The following B3GAT1 variants were observed in gnomAD, a reference collection of about 807,000 sequenced individuals.
The protein encoded by B3GAT1 is beta-1,3-glucuronyltransferase 1, also known as galactosylgalactosylxylosylprotein 3-beta-glucuronosyltransferase 1.
A neutral mutation model predicts 28.4 loss-of-function variants in B3GAT1; 11 were observed. The ratio of observed to expected loss-of-function variants is 0.39; its 90% CI spans 0.24 to 0.64. The LOEUF is 0.64. Ranked by LOEUF, B3GAT1 falls within the 30% of genes least tolerant of loss-of-function variation. The pLI, the probability that B3GAT1 is intolerant of heterozygous loss-of-function variation, is 0.50. For missense variants in B3GAT1, 375 were observed against 491.0 expected (o/e 0.76, Z 2.23); for synonymous variants, 255 against 223.1 (o/e 1.14, Z -1.27).
intron 1 of B3GAT1, among the ~76,000 whole-genome samples, chr11:134,403,254 C>T (rs761216163): frequency 6.6e-6 from 1 of 152,110 alleles, no homozygotes; most frequent in African/African-American, 2.4e-5. Flanking sequence ...TCTAGGAGTA[C>T]CCGGCCGATT....
chr11:134,399,873 G>A (rs1944576852), intron 1 of B3GAT1, among the ~76,000 whole-genome samples: 1 of 152,198 alleles, frequency 6.6e-6, no homozygotes, highest in Non-Finnish European at 1.5e-5. Context: ...AAGCAAGCCA[G>A]GTGAGCAGGT....
intron 1 of B3GAT1, among the ~76,000 whole-genome samples, chr11:134,394,253 C>T (rs1246835237): frequency 6.6e-6 from 1 of 152,260 alleles, no homozygotes; most frequent in African/African-American, 2.4e-5. Flanking sequence ...TTCCATAAAG[C>T]CCAGTCCCTC....
At chr11:134,382,591 G>T (rs1302353967) in intron 4 of B3GAT1, 119 bp downstream of exon 4, 13 of 1,233,644 alleles carry the variant, frequency 1.1e-5, no homozygotes, top group Admixed American at 5.1e-5. Context: ...TTCCTGGGAG[G>T]GGGTTCCAGA....
intron 4 of B3GAT1, 93 bp from the exon 5 acceptor site, chr11:134,382,117 C>A: frequency 1.0e-6 from 1 of 954,746 alleles, no homozygotes; most frequent in South Asian, 1.4e-5. Flanking sequence ...AAACATTTCT[C>A]CTGCCCCTCC....
chr11:134,390,500 GAGA>G (rs1326570022), intron 1 of B3GAT1: 1 of 152,246 alleles, frequency 6.6e-6, no homozygotes, highest in Non-Finnish European at 1.5e-5. Context: ...AAGCCAAGGA[GAGA>G]AGATGAGTGT....
Position 134,410,666 on chromosome 11 carries a change from G to A in B3GAT1, c.-282+1141C>T, listed in dbSNP as rs28647500. 5.0e-3 allele frequency among the ~76,000 whole-genome samples: 761 copies of A among 152,310 alleles called. 7 individuals are homozygous for A. Among genetic ancestry groups the A allele is most frequent in the African/African-American group, 0.017 (720 of 41,544 alleles). Reference sequence around the variant, plus strand: ...CAGTGGCTACCAGCAGAGGTAGGGCGACATAAGCACAGAAGACAAATCTTA... The same window carrying A: ...CAGTGGCTACCAGCAGAGGTAGGGCAACATAAGCACAGAAGACAAATCTTA... On this transcript the variant is annotated intron_variant, in intron 1 of 5. Transcript: ENST00000312527.
At chr11:134,406,651 G>C (rs1184225975) in intron 1 of B3GAT1, among the ~76,000 whole-genome samples, 1 of 152,154 alleles carries the variant, frequency 6.6e-6, no homozygotes, top group Non-Finnish European at 1.5e-5. Flanking sequence ...AAATAAAAAA[G>C]CTCTTGCTGT....
intron 1 of B3GAT1, among the ~76,000 whole-genome samples, chr11:134,402,010 G>A (rs1022507153): frequency 1.9e-4 from 29 of 151,576 alleles, no homozygotes; most frequent in African/African-American, 6.8e-4. Context: ...GGGAGGCGGG[G>A]CCCCTGGAAC....
At chr11:134,387,447 C>G in intron 2 of B3GAT1, 101 bp downstream of exon 2, 1 of 1,488,540 alleles carries the variant, frequency 6.7e-7, no homozygotes, top group Non-Finnish European at 9.1e-7. Flanking sequence ...GTGGTTCCTC[C>G]TAGCTGCTAA....
chr11:134,382,387 G>T (rs1591631998), intron 4 of B3GAT1, among the ~76,000 whole-genome samples: 1 of 141,022 alleles, frequency 7.1e-6, no homozygotes, highest in Non-Finnish European at 1.6e-5. Context: ...CTGCATATAT[G>T]TGTGCATGTG....
chr11:134,404,694 C>G (rs76319723), intron 1 of B3GAT1, among the ~76,000 whole-genome samples: 3 of 152,184 alleles, frequency 2.0e-5, no homozygotes, highest in African/African-American at 7.2e-5. Flanking sequence ...AGAGTGTGCA[C>G]GCCCCACTGA....
intron 1 of B3GAT1, among the ~76,000 whole-genome samples, chr11:134,408,122 G>T (rs1372764096): frequency 6.6e-6 from 1 of 152,100 alleles, no homozygotes; most frequent in African/African-American, 2.4e-5. Flanking sequence ...GGAAGGGTGG[G>T]TCCAGCCCAG....
At chr11:134,381,189 A>G (rs1450624898) in intron 5 of B3GAT1, among the ~76,000 whole-genome samples, 1 of 151,986 alleles carries the variant, frequency 6.6e-6, no homozygotes, top group Admixed American at 6.6e-5. Flanking sequence ...AGCACAATTC[A>G]CTCGTGCCAG....
intron 1 of B3GAT1, among the ~76,000 whole-genome samples, chr11:134,402,616 T>C (rs1325937216): frequency 6.6e-6 from 1 of 152,038 alleles, no homozygotes; most frequent in Admixed American, 6.5e-5. Context: ...ACAATTAACA[T>C]AAAATGTTGA....
chr11:134,398,050 AC>A (rs35474868), intron 1 of B3GAT1, among the ~76,000 whole-genome samples: 1 of 151,806 alleles, frequency 6.6e-6, no homozygotes, highest in Non-Finnish European at 1.5e-5. Context: ...ACTCAAGAAA[AC>A]CCCTGGGGTT....
chr11:134,381,769 G>A, intron 5 of B3GAT1, 155 bp downstream of exon 5: 1 of 620,284 alleles, frequency 1.6e-6, no homozygotes, highest in Non-Finnish European at 2.9e-6. Context: ...GTGGCCCAGT[G>A]GGAAGGGGAC....
intron 1 of B3GAT1, among the ~76,000 whole-genome samples, chr11:134,396,518 C>T (rs1197161186): frequency 1.3e-5 from 2 of 152,222 alleles, no homozygotes; most frequent in East Asian, 3.9e-4. Flanking sequence ...CTCTTTCTGC[C>T]TCTGCTACGG....
At chr11:134,410,649 A>ATGTCGT (rs1944835049) in intron 1 of B3GAT1, among the ~76,000 whole-genome samples, 1 of 152,210 alleles carries the variant, frequency 6.6e-6, no homozygotes, top group Admixed American at 6.5e-5. Context: ...TGCAGTGGCT[A>ATGTCGT]CCAGCAGAGG....
At chr11:134,407,154 C>T (rs1328302428) in intron 1 of B3GAT1, among the ~76,000 whole-genome samples, 2 of 152,206 alleles carry the variant, frequency 1.3e-5, no homozygotes, top group South Asian at 2.1e-4. Flanking sequence ...ACGGATGCAG[C>T]CCCCCATGCC....
Sources: gnomAD v4.1 joint callset for allele counts (sites outside exome capture counted in the v4.1 genomes callset) on GRCh38, gnomAD v4.1.1 for gene constraint, MANE v1.5 for transcripts, NCBI Gene and HGNC (gene_info 2026-07-23, HGNC 2026-07-21) for gene names.